Variants in TFEC observed in about 807,000 individuals in gnomAD.
TFEC encodes class E basic helix-loop-helix protein 34.
In TFEC, 31 loss-of-function variants were observed where a neutral mutation model predicts 41.6. That is an observed-to-expected ratio of 0.74 (90% CI 0.56 to 1.01). The LOEUF is 1.01. Ranked by LOEUF, TFEC falls within the 50% of genes least tolerant of loss-of-function variation. The pLI, the probability that TFEC is intolerant of heterozygous loss-of-function variation, is 0.00. For synonymous variants in TFEC, 143 were observed against 140.6 expected (o/e 1.02, Z -0.12); for missense variants, 402 against 404.1 (o/e 0.99, Z 0.04).
intron 1 of TFEC, among the ~76,000 whole-genome samples, chr7:116,135,964 A>T (rs1798424870): frequency 6.6e-6 from 1 of 152,132 alleles, no homozygotes; most frequent in South Asian, 2.1e-4. Flanking sequence ...GTTCTCTGCA[A>T]AGACTAGTTC....
intron 1 of TFEC, among the ~76,000 whole-genome samples, chr7:115,999,313 T>C (rs1794495387): frequency 6.6e-6 from 1 of 151,770 alleles, no homozygotes; most frequent in South Asian, 2.1e-4. Context: ...AAACACAATA[T>C]ACCAAAATGT....
upstream of TFEC, among the ~76,000 whole-genome samples, chr7:116,034,995 C>CT (rs1795877262): frequency 2.0e-5 from 3 of 151,542 alleles, no homozygotes; most frequent in Admixed American, 2.0e-4. Context: ...TCTGCTTGTC[C>CT]TTTTTTCCAT....
chr7:115,989,316 C>T (rs907786251), intron 1 of TFEC, among the ~76,000 whole-genome samples: 3 of 152,218 alleles, frequency 2.0e-5, no homozygotes, highest in Admixed American at 6.5e-5. Context: ...CTCCAGTCTA[C>T]AACTCCCAGC....
Position 116,131,071 on chromosome 7 carries a change from T to G in TFEC, c.-68-19033A>C, listed in dbSNP as rs189498267. Among the ~76,000 whole-genome samples the G allele has an allele frequency of 1.8e-3, 277 of 152,358 alleles. 1 individual carries two copies. The highest frequency in any genetic ancestry group is 0.01 in the Middle Eastern group (3 of 294). On this transcript the variant is annotated intron_variant, in intron 1 of 8. Transcript: ENST00000484212. ...CTACATTAATGTGTATTAATACTAA[T>G]TATATTTGGTACGTTTAAGACCCAA...
At chr7:115,975,887 C>A (rs983159077) in intron 2 of TFEC, among the ~76,000 whole-genome samples, 1 of 152,098 alleles carries the variant, frequency 6.6e-6, no homozygotes. Context: ...GAGCAGAGTG[C>A]GCAAAGGCAA....
chr7:116,112,149 TCAA>T, intron 1 of TFEC: 10 of 413,836 alleles, frequency 2.4e-5, no homozygotes, highest in Non-Finnish European at 2.9e-5. Flanking sequence ...CATTGGATGT[TCAA>T]TGTGATAAGT....
intron 3 of TFEC, among the ~76,000 whole-genome samples, chr7:116,041,591 G>A (rs1796038285): frequency 6.6e-6 from 1 of 152,162 alleles, no homozygotes; most frequent in South Asian, 2.1e-4. Context: ...GACCACACTG[G>A]TATATGTGAA....
chr7:116,080,976 A>AGTGTGTGTGTGTGTGTGT (rs60317630), intron 3 of TFEC, among the ~76,000 whole-genome samples: 1 of 137,946 alleles, frequency 7.2e-6, no homozygotes, highest in African/African-American at 2.7e-5. Context: ...AAGAAAATGT[A>AGTGTGTGTGTGTGTGTGT]GTGTGTGTGT....
intron 3 of TFEC, among the ~76,000 whole-genome samples, chr7:115,958,027 T>C (rs1270576005): frequency 6.6e-6 from 1 of 151,942 alleles, no homozygotes; most frequent in African/African-American, 2.4e-5. Flanking sequence ...TAGACTTATA[T>C]GGCTCTCAGA....
Position 115,941,926 on chromosome 7 carries a change from C to T in TFEC, c.630G>A (p.Glu210=). 1 of 1,613,204 alleles carries T rather than the reference C, an allele frequency of 6.2e-7. No individual in the cohort carries two copies. Among genetic ancestry groups the T allele is most frequent in the African/African-American group, 1.3e-5 (1 of 74,968 alleles). ...RELEHRQKKL[E]QANRRLLLRI... is the part of the protein sequence containing the mutation. The stretch of plus-strand genomic sequence containing the variant: ...GAAGTAGAAGTCGCCTGTTAGCCTG[C>T]TCTAATTTCTTCTGTCTGTGTTCCA... The change falls in exon 7 of 8, where the codon GAG becomes GAA. Residue 210 remains glutamate (E), a synonymous_variant. Transcript: ENST00000265440.
chr7:115,990,965 T>C (rs1351987180), intron 1 of TFEC, among the ~76,000 whole-genome samples: 1 of 152,058 alleles, frequency 6.6e-6, no homozygotes, highest in Admixed American at 6.6e-5. Context: ...GAAAAAATGT[T>C]AAAGGGAGCC....
intron 1 of TFEC, among the ~76,000 whole-genome samples, chr7:115,994,914 A>G (rs935781006): frequency 8.5e-5 from 13 of 152,160 alleles, no homozygotes; most frequent in Non-Finnish European, 1.3e-4. Flanking sequence ...TTATTGCGGC[A>G]CTATTCACAA....
intron 6 of TFEC, 138 bp downstream of exon 6, chr7:115,950,736 T>G: frequency 8.9e-6 from 5 of 563,738 alleles, no homozygotes; most frequent in South Asian, 3.1e-5. Context: ...CATTTTAAAA[T>G]GAGCCCAGCA....
intron 3 of TFEC, among the ~76,000 whole-genome samples, chr7:116,068,879 A>G (rs1483209853): frequency 6.6e-6 from 1 of 151,736 alleles, no homozygotes; most frequent in Admixed American, 6.6e-5. Context: ...GACATTTTCA[A>G]AAATAAAATA....
In TFEC at chr7:115,980,321, C is replaced by T. The variant is rs1793569816; in HGVS notation, c.180+3941G>A. 5.3e-5 allele frequency among the ~76,000 whole-genome samples: 8 copies of T among 152,076 alleles called. No individual in the cohort carries two copies. The South Asian group carries it at 1.7e-3, about 32-fold the overall frequency. Reference sequence around the variant, plus strand: ...GCAGCCCCCTTGTGATCACATGAGGCCCATTAAGATAAAAGTCACATAGTG... The same window carrying T: ...GCAGCCCCCTTGTGATCACATGAGGTCCATTAAGATAAAAGTCACATAGTG... On this transcript the variant is annotated intron_variant, in intron 2 of 7. Coordinates refer to ENST00000265440, the MANE Select transcript of TFEC (RefSeq NM_012252.4).
In TFEC at chr7:116,098,391, T is replaced by C. The variant is rs184672794; in HGVS notation, c.198+12317A>G. Among the ~76,000 whole-genome samples, 3 of 152,220 alleles carry C rather than the reference T, an allele frequency of 2.0e-5. No individual in the cohort carries two copies. The East Asian group carries it at 5.8e-4, about 29-fold the overall frequency. ...CTAGACTGGTCTCGGCGTGAACCAC[T>C]GCGCCCAGCCGCAACCAAGAATAAC... On this transcript the variant is annotated intron_variant, in intron 3 of 8. Transcript: ENST00000484212.
chr7:116,154,818 T>C (rs1414118179), intron 1 of TFEC, among the ~76,000 whole-genome samples: 1 of 152,084 alleles, frequency 6.6e-6, no homozygotes, highest in Non-Finnish European at 1.5e-5. Flanking sequence ...GATTAGAGGG[T>C]AGTAGGAGGG....
intron 1 of TFEC, among the ~76,000 whole-genome samples, chr7:116,141,251 T>C (rs150985846): frequency 1.3e-3 from 200 of 152,330 alleles, no homozygotes; most frequent in African/African-American, 4.4e-3. Flanking sequence ...CAATTTTAAA[T>C]ATCTAGAACT....
intron 3 of TFEC, among the ~76,000 whole-genome samples, chr7:116,096,863 G>C (rs1218261817): frequency 6.6e-6 from 1 of 152,082 alleles, no homozygotes; most frequent in Non-Finnish European, 1.5e-5. Flanking sequence ...AGGCCGAAGA[G>C]GGCAGATCAC....
Sources: gnomAD v4.1 joint callset for allele counts (sites outside exome capture counted in the v4.1 genomes callset) on GRCh38, gnomAD v4.1.1 for gene constraint, MANE v1.5 for transcripts, NCBI Gene and HGNC (gene_info 2026-07-23, HGNC 2026-07-21) for gene names.